The following TFEC variants were observed in gnomAD, a reference collection of about 807,000 sequenced individuals.
The protein encoded by TFEC is class E basic helix-loop-helix protein 34.
TFEC carries 31 observed loss-of-function variants against 41.6 expected under a neutral mutation model. That is an observed-to-expected ratio of 0.74 (90% CI 0.56 to 1.01). The LOEUF is 1.01. TFEC is among the 50% of genes least tolerant of loss of function. TFEC has a pLI of 0.00. For synonymous variants in TFEC, 143 were observed against 140.6 expected (o/e 1.02, Z -0.12); for missense variants, 402 against 404.1 (o/e 0.99, Z 0.04).
intron 6 of TFEC, among the ~76,000 whole-genome samples, chr7:115,948,296 T>G (rs1376054214): frequency 6.6e-6 from 1 of 151,946 alleles, no homozygotes; most frequent in Admixed American, 6.6e-5. Flanking sequence ...CCATTCCTTC[T>G]GAAACTATTC....
At chr7:116,003,434 AC>A (rs1186418359) in intron 1 of TFEC, among the ~76,000 whole-genome samples, 1 of 152,104 alleles carries the variant, frequency 6.6e-6, no homozygotes, top group African/African-American at 2.4e-5. Context: ...ATTCTAAAAA[AC>A]ATAACAATCC....
chr7:116,076,548 A>G (rs932367286), intron 3 of TFEC, among the ~76,000 whole-genome samples: 2 of 152,028 alleles, frequency 1.3e-5, no homozygotes, highest in Non-Finnish European at 2.9e-5. Context: ...GAAGGGAAAA[A>G]TCTTCAGTGA....
chr7:116,139,524 G>A (rs1363265661), intron 1 of TFEC, among the ~76,000 whole-genome samples: 1 of 152,124 alleles, frequency 6.6e-6, no homozygotes, highest in South Asian at 2.1e-4. Flanking sequence ...TTTATTGAGT[G>A]TGCCAAGAAT....
At chr7:115,973,942 T>C (rs575688786) in intron 3 of TFEC, among the ~76,000 whole-genome samples, 3 of 152,108 alleles carry the variant, frequency 2.0e-5, no homozygotes, top group African/African-American at 7.2e-5. Context: ...GATGCATGTA[T>C]ATAGGATTAG....
intron 3 of TFEC, among the ~76,000 whole-genome samples, chr7:116,072,906 T>C (rs1796863489): frequency 6.6e-6 from 1 of 151,456 alleles, no homozygotes; most frequent in South Asian, 2.1e-4. Context: ...ACAGGAACAA[T>C]ACAAGGATAC....
chr7:116,077,048 TG>T (rs1416781045), intron 3 of TFEC, among the ~76,000 whole-genome samples: 2 of 152,072 alleles, frequency 1.3e-5, no homozygotes, highest in Admixed American at 1.3e-4. Flanking sequence ...AACCTATAAA[TG>T]AAAGCCTACC....
chr7:115,974,041 T>C (rs995919605), intron 3 of TFEC, 129 bp downstream of exon 3: 1 of 661,140 alleles, frequency 1.5e-6, no homozygotes, highest in East Asian at 3.1e-5. Flanking sequence ...AAATATTTTC[T>C]AGTATTCATC....
At chr7:115,988,194 G>C (rs940490103) in intron 1 of TFEC, among the ~76,000 whole-genome samples, 1 of 151,856 alleles carries the variant, frequency 6.6e-6, no homozygotes, top group Non-Finnish European at 1.5e-5. Context: ...ATACTAAAAG[G>C]CTAAAAAACA....
chr7:116,049,425 G>A (rs751586983), intron 3 of TFEC, among the ~76,000 whole-genome samples: 1 of 152,178 alleles, frequency 6.6e-6, no homozygotes, highest in African/African-American at 2.4e-5. Context: ...AACAAGAAGA[G>A]CTAACTATAC....
At chr7:116,001,243 C>T (rs1794582199) in intron 1 of TFEC, among the ~76,000 whole-genome samples, 3 of 151,994 alleles carry the variant, frequency 2.0e-5, no homozygotes, top group Admixed American at 6.6e-5. Flanking sequence ...ATTAGACATT[C>T]GTATACAGAA....
chr7:116,145,142 C>A (rs980552515), intron 1 of TFEC, among the ~76,000 whole-genome samples: 7 of 152,286 alleles, frequency 4.6e-5, no homozygotes, highest in East Asian at 1.9e-4. Flanking sequence ...TGGAATTATT[C>A]TTTTCACAAG....
chr7:116,155,005 C>T (rs920687315), intron 1 of TFEC, among the ~76,000 whole-genome samples: 2 of 152,204 alleles, frequency 1.3e-5, no homozygotes, highest in East Asian at 3.8e-4. Context: ...CCCTGCTATG[C>T]ACCCCCGGAA....
At chr7:115,993,474 A>G (rs56681124) in intron 1 of TFEC, among the ~76,000 whole-genome samples, 2,572 of 152,328 alleles carry the variant, frequency 0.017, 77 homozygotes, top group African/African-American at 0.059. Context: ...TCTCAGCCCA[A>G]AATCTCCTTA....
In TFEC at chr7:115,968,869, T is replaced by C. The variant is rs547380354; in HGVS notation, c.267+5301A>G. 2.0e-5 allele frequency among the ~76,000 whole-genome samples: 3 copies of C among 152,024 alleles called. No homozygotes were observed. In the East Asian group the frequency reaches 5.8e-4, roughly 30 times the overall value. On this transcript the variant is annotated intron_variant, in intron 3 of 7. Transcript: ENST00000265440. ...CAAGTTACTGAACTCTCTAAGCTTC[T>C]TTCCTCATTTGTAAAATTTTAATAG...
At chr7:116,022,321 A>T (rs1795428664) in intron 1 of TFEC, among the ~76,000 whole-genome samples, 1 of 152,202 alleles carries the variant, frequency 6.6e-6, no homozygotes, top group Non-Finnish European at 1.5e-5. Context: ...GGTGAGGGCA[A>T]TGTAATTTCT....
chr7:115,946,396 CGTGTGTGTGTGTGTGTGTGTGTGTGTGT>C (rs3028673), intron 6 of TFEC, among the ~76,000 whole-genome samples: 1 of 123,072 alleles, frequency 8.1e-6, no homozygotes, highest in African/African-American at 2.8e-5. Context: ...AGAAACATAA[CGTGTGTGTGTGTGTGTGTGTGTGTGTGT>C]GTGTGTGTGT....
rs972055758 is a variant in TFEC at position 116,148,440 on chromosome 7, G to A, written c.-69+11350C>T. On this transcript the variant is annotated intron_variant, in intron 1 of 8. Transcript: ENST00000484212. ...GTTTAGACCAGGGAACAGAATCCAC[G>A]AACAGAGCAATGGAGTGGTGAGAAG... Among the ~76,000 whole-genome samples, 7 of 152,240 alleles carry A rather than the reference G, an allele frequency of 4.6e-5. No individual in the cohort carries two copies. The East Asian group carries it at 9.7e-4, about 21-fold the overall frequency.
At chr7:116,095,301 G>A (rs1797425133) in intron 3 of TFEC, among the ~76,000 whole-genome samples, 1 of 151,974 alleles carries the variant, frequency 6.6e-6, no homozygotes, top group Non-Finnish European at 1.5e-5. Flanking sequence ...TTCTAGTTAT[G>A]CAACTATACT....
chr7:115,947,218 A>G (rs1191624995), intron 6 of TFEC, among the ~76,000 whole-genome samples: 1 of 150,746 alleles, frequency 6.6e-6, no homozygotes, highest in African/African-American at 2.4e-5. Flanking sequence ...ATGATTTCCA[A>G]TTTCATCCAT....
Sources: allele counts gnomAD v4.1 joint callset (sites outside exome capture counted in the v4.1 genomes callset), GRCh38; gene constraint gnomAD v4.1.1; transcripts MANE v1.5; gene names NCBI Gene and HGNC (gene_info 2026-07-23, HGNC 2026-07-21).